RASGEF1B: variants seen among roughly 807,000 people sequenced by gnomAD.
RASGEF1B encodes ras-GEF domain-containing family member 1B.
In RASGEF1B, 30 loss-of-function variants were observed where a neutral mutation model predicts 65.7. The ratio of observed to expected loss-of-function variants is 0.46; its 90% CI spans 0.34 to 0.62. The LOEUF is 0.62. Among genes scored for constraint, RASGEF1B ranks in the 20% least tolerant of loss-of-function variants. The pLI is 0.01. For missense variants in RASGEF1B, 495 were observed against 580.1 expected (o/e 0.85, Z 1.51); for synonymous variants, 175 against 194.8 (o/e 0.90, Z 0.85).
chr4:81,434,832 T>C, intron 10 of RASGEF1B, 98 bp from the exon 11 acceptor site: 1 of 681,324 alleles, frequency 1.5e-6, no homozygotes, highest in Non-Finnish European at 2.6e-6. Flanking sequence ...CTTTTGATTA[T>C]ATGAAAGGCC....
In RASGEF1B at chr4:81,427,613, G is replaced by A. The variant is rs1190868995; in HGVS notation, c.*155C>T. 3 of 646,758 alleles carry A rather than the reference G, an allele frequency of 4.6e-6. No homozygotes were observed. Among genetic ancestry groups the A allele is most frequent in the Non-Finnish European group, 2.6e-6 (1 of 389,016 alleles). The allele number at this position is 646,758 out of a possible 1,614,324, so 40.1% of individuals were successfully genotyped here. A position where few individuals can be genotyped will look rare whatever the true frequency, so the allele number is the denominator to read the frequency against. ...CTGCAGGAAATAAGTTCTCCATCTG[G>A]TCTTGAGTGAGCTTGTGTGCTTTGC... On this transcript the variant is annotated 3_prime_UTR_variant, in exon 14 of 14. Coordinates refer to ENST00000264400, the MANE Select transcript of RASGEF1B (RefSeq NM_152545.3).
chr4:81,430,961 A>C (rs1721410413), intron 13 of RASGEF1B, among the ~76,000 whole-genome samples: 1 of 152,198 alleles, frequency 6.6e-6, no homozygotes, highest in African/African-American at 2.4e-5. Context: ...AAGAAAAGTA[A>C]CAAAAGCTAA....
At chr4:81,469,919 A>C (rs1722965267) in intron 1 of RASGEF1B, among the ~76,000 whole-genome samples, 1 of 152,342 alleles carries the variant, frequency 6.6e-6, no homozygotes, top group East Asian at 1.9e-4. Context: ...CAATATGCTT[A>C]GTAGTTAGAA....
intron 13 of RASGEF1B, among the ~76,000 whole-genome samples, chr4:81,430,638 G>A (rs1476297439): frequency 5.3e-5 from 8 of 152,170 alleles, no homozygotes; most frequent in Non-Finnish European, 1.2e-4. Context: ...CACCCCCATC[G>A]CATGCCCTGG....
At chr4:81,463,432 G>A (rs970287309) in intron 1 of RASGEF1B, among the ~76,000 whole-genome samples, 3 of 152,146 alleles carry the variant, frequency 2.0e-5, no homozygotes, top group African/African-American at 4.8e-5. Flanking sequence ...AGCATCTAAC[G>A]AGGGATAGCC....
chr4:81,435,417 C>CAAAAAA (rs754067756), intron 10 of RASGEF1B, among the ~76,000 whole-genome samples: 1 of 55,390 alleles, frequency 1.8e-5, no homozygotes, highest in Non-Finnish European at 3.4e-5. Flanking sequence ...GACTCCCTCT[C>CAAAAAA]AAAAAAAAAA....
At chr4:81,434,508 A>C in intron 11 of RASGEF1B, 131 bp downstream of exon 11, 1 of 685,040 alleles carries the variant, frequency 1.5e-6, no homozygotes, top group Non-Finnish European at 2.6e-6. Context: ...TTCTAACAAA[A>C]TAATATGGAA....
intron 1 of RASGEF1B, among the ~76,000 whole-genome samples, chr4:81,470,269 G>C (rs184220686): frequency 3.3e-5 from 5 of 151,872 alleles, no homozygotes; most frequent in African/African-American, 1.2e-4. Flanking sequence ...AAATCTCATG[G>C]GACCAGTTAT....
At chr4:81,454,275 A>T (rs1252769131) in intron 4 of RASGEF1B, 3 of 152,220 alleles carry the variant, frequency 2.0e-5, no homozygotes, top group Non-Finnish European at 4.4e-5. Context: ...AACAACAAGG[A>T]CCATCCATTT....
chr4:81,432,435 C>T (rs1721463037), intron 12 of RASGEF1B, 64 bp from the exon 13 acceptor site: 6 of 1,026,032 alleles, frequency 5.8e-6, no homozygotes, highest in Admixed American at 5.6e-5. Context: ...TATCTACCAC[C>T]ACCCTTGTTC....
At chr4:81,457,946 C>T (rs991775722) in intron 2 of RASGEF1B, among the ~76,000 whole-genome samples, 1 of 152,206 alleles carries the variant, frequency 6.6e-6, no homozygotes, top group Non-Finnish European at 1.5e-5. Context: ...GAATGAAATT[C>T]AGCCCAGAGA....
chr4:81,457,730 G>A, intron 2 of RASGEF1B, 109 bp from the exon 3 acceptor site: 1 of 1,271,808 alleles, frequency 7.9e-7, no homozygotes, highest in Non-Finnish European at 1.1e-6. Flanking sequence ...TTCATATGCT[G>A]CAGTTTCAAA....
At chr4:81,459,249 TG>T in intron 2 of RASGEF1B, 82 bp downstream of exon 2, 1 of 1,003,466 alleles carries the variant, frequency 1.0e-6, no homozygotes, top group Non-Finnish European at 1.4e-6. Flanking sequence ...GATATAATTC[TG>T]TATTATCTAT....
intron 4 of RASGEF1B, chr4:81,455,146 A>G (rs1302571719): frequency 6.6e-6 from 1 of 152,220 alleles, no homozygotes; most frequent in East Asian, 1.9e-4. Context: ...TTTTCTCACA[A>G]AAAATTGCGG....
chr4:81,454,587 T>C (rs1430089648), intron 4 of RASGEF1B: 1 of 152,164 alleles, frequency 6.6e-6, no homozygotes, highest in African/African-American at 2.4e-5. Context: ...TAACATAAGA[T>C]TTACTACAAA....
Position 81,440,915 on chromosome 4 carries a change from A to G in RASGEF1B, c.1023T>C (p.Pro341=). The G allele has an allele frequency of 6.2e-7, 1 of 1,609,714 alleles. No homozygotes were observed. Among genetic ancestry groups the G allele is most frequent in the East Asian group, 2.2e-5 (1 of 44,822 alleles). The change falls in exon 10 of 14, where the codon CCT becomes CCC. Residue 341 remains proline, a synonymous_variant. Transcript: ENST00000264400. The stretch of plus-strand genomic sequence containing the variant: ...TTCGATAATTATAGAAATTGCTTGA[A>G]GGGTCCATCTGATGCTATAGATAAA... ...KFDILEHQMD[P]SSNFYNYRTA...
At chr4:81,456,404 G>A in intron 4 of RASGEF1B, 1 of 622,480 alleles carries the variant, frequency 1.6e-6, no homozygotes. Context: ...CATAAATCCT[G>A]TGCATGAGTT....
chr4:81,448,109 T>C lies in RASGEF1B; in HGVS notation c.614A>G (p.Asp205Gly). 1.9e-6 allele frequency: 3 copies of C among 1,613,990 alleles called. No homozygotes were observed. Among genetic ancestry groups the C allele is most frequent in the Non-Finnish European group, 2.5e-6 (3 of 1,179,976 alleles). ...CAGCTGCTGGGCCAACGTGTAAGGG[T>C]CGTTGCAGACAGTAATGATATCCCT... ...IQRDIITVCN[D>G]PYTLAQQLTH... is the part of the protein sequence containing the mutation. The change falls in exon 5 of 14, where the codon GAC (aspartate) becomes GGC (glycine). Residue 205 changes from aspartate to glycine, a missense_variant. Physicochemically the swap from Asp to Gly is moderately conservative, Grantham distance 94 (BLOSUM62 -1). Transcript: ENST00000264400.
rs28529038 is a variant in RASGEF1B at position 81,461,710 on chromosome 4, C to A, written c.-6-2196G>T. Among the ~76,000 whole-genome samples, 1,043 of 152,260 alleles carry A rather than the reference C, an allele frequency of 6.9e-3. 10 individuals are homozygous for A. The highest frequency in any genetic ancestry group is 0.024 in the African/African-American group (977 of 41,552). On this transcript the variant is annotated intron_variant, in intron 1 of 13. Coordinates refer to ENST00000264400, the MANE Select transcript of RASGEF1B (RefSeq NM_152545.3). ...CAAGGAAAATATGGAAGCTGTAGCT[C>A]AGTGGGAGAATGTAGGTTGTAAGTG...
Sources: gnomAD v4.1 joint callset for allele counts (sites outside exome capture counted in the v4.1 genomes callset) on GRCh38, gnomAD v4.1.1 for gene constraint, MANE v1.5 for transcripts, NCBI Gene and HGNC (gene_info 2026-07-23, HGNC 2026-07-21) for gene names.